ERBB4: variants seen among roughly 807,000 people sequenced by gnomAD.
ERBB4 encodes the protein erb-b2 receptor tyrosine kinase 4, also known as receptor tyrosine-protein kinase erbB-4.
In ERBB4, 42 loss-of-function variants were observed where a neutral mutation model predicts 158.0. That is an observed-to-expected ratio of 0.27 (90% CI 0.21 to 0.34). The LOEUF (loss-of-function observed/expected upper bound fraction) is 0.34. ERBB4 is among the 10% of genes least tolerant of loss of function. The pLI is 1.00. For synonymous variants in ERBB4, 583 were observed against 558.7 expected (o/e 1.04, Z -0.61); for missense variants, 1,333 against 1,624.1 (o/e 0.82, Z 3.08).
At chr2:212,219,281 A>G (rs2083208340) in intron 1 of ERBB4, among the ~76,000 whole-genome samples, 1 of 151,454 alleles carries the variant, frequency 6.6e-6, no homozygotes, top group South Asian at 2.1e-4. Context: ...TACACATATG[A>G]ATTATAAATG....
chr2:211,772,924 C>CACACACACATAT (rs1181682464), intron 4 of ERBB4, among the ~76,000 whole-genome samples: 1 of 36,738 alleles, frequency 2.7e-5, no homozygotes, highest in African/African-American at 1.5e-4. Flanking sequence ...CACACACACA[C>CACACACACATAT]ATATATATAT....
chr2:211,757,631 G>A, intron 4 of ERBB4, among the ~76,000 whole-genome samples: 1 of 152,080 alleles, frequency 6.6e-6, no homozygotes, highest in East Asian at 1.9e-4. Context: ...CTCCCTCAGG[G>A]GCTCAACTCC....
At chr2:212,108,954 G>A (rs1039056710) in intron 2 of ERBB4, among the ~76,000 whole-genome samples, 11 of 152,140 alleles carry the variant, frequency 7.2e-5, no homozygotes, top group East Asian at 3.9e-4. Flanking sequence ...AGATGGCAGC[G>A]CACAGTAGGA....
At chr2:211,704,231 C>G (rs2106046668) in intron 10 of ERBB4, 37 bp from the exon 11 acceptor site, 1 of 1,309,912 alleles carries the variant, frequency 7.6e-7, no homozygotes, top group South Asian at 1.2e-5. Context: ...ATCAGAATAT[C>G]ATTGTCTTAG....
At chr2:211,941,313 T>C (rs1029159952) in intron 3 of ERBB4, among the ~76,000 whole-genome samples, 1 of 151,922 alleles carries the variant, frequency 6.6e-6, no homozygotes, top group Admixed American at 6.6e-5. Context: ...TCTTCTAATG[T>C]AAATGTTTGT....
At chr2:212,055,931 T>C (rs1183265077) in intron 2 of ERBB4, among the ~76,000 whole-genome samples, 1 of 152,186 alleles carries the variant, frequency 6.6e-6, no homozygotes, top group Non-Finnish European at 1.5e-5. Context: ...GGATGGAGAA[T>C]GACTTTGACA....
chr2:212,137,259 G>A (rs2080301607), intron 1 of ERBB4, among the ~76,000 whole-genome samples: 1 of 152,098 alleles, frequency 6.6e-6, no homozygotes, highest in South Asian at 2.1e-4. Flanking sequence ...TTGTTGTACA[G>A]ATTATTTCAT....
At chr2:211,453,245 A>T (rs928746137) in intron 20 of ERBB4, among the ~76,000 whole-genome samples, 4 of 152,240 alleles carry the variant, frequency 2.6e-5, no homozygotes, top group African/African-American at 7.2e-5. Flanking sequence ...TAAGAGTGCA[A>T]TTAAATTCAT....
At chr2:211,562,160 T>TA in intron 19 of ERBB4, 72 bp from the exon 20 acceptor site, 1 of 1,290,532 alleles carries the variant, frequency 7.7e-7, no homozygotes, top group Non-Finnish European at 1.1e-6. Context: ...TGGATTGTAC[T>TA]AATGGTGCTG....
intron 2 of ERBB4, among the ~76,000 whole-genome samples, chr2:212,078,937 A>G (rs978291391): frequency 1.3e-5 from 2 of 151,146 alleles, no homozygotes; most frequent in African/African-American, 4.8e-5. Context: ...CATAATATAC[A>G]TACTTTTTAA....
chr2:212,436,673 T>C (rs1441242869), intron 1 of ERBB4, among the ~76,000 whole-genome samples: 1 of 152,092 alleles, frequency 6.6e-6, no homozygotes, highest in East Asian at 1.9e-4. Context: ...ATGAATTCTA[T>C]ATTTATTCAG....
chr2:211,811,697 G>A (rs1004826471), intron 3 of ERBB4, among the ~76,000 whole-genome samples: 3 of 152,066 alleles, frequency 2.0e-5, no homozygotes, highest in Non-Finnish European at 4.4e-5. Context: ...ATATTTCTCA[G>A]AGGCTTTGTT....
At chr2:211,464,668 T>G (rs543847133) in intron 20 of ERBB4, among the ~76,000 whole-genome samples, 1 of 152,276 alleles carries the variant, frequency 6.6e-6, no homozygotes, top group East Asian at 1.9e-4. Flanking sequence ...TCTCCCACCC[T>G]ATAGAATCTT....
chr2:211,579,790 G>T (rs2068012358), intron 19 of ERBB4, among the ~76,000 whole-genome samples: 1 of 151,804 alleles, frequency 6.6e-6, no homozygotes, highest in African/African-American at 2.4e-5. Context: ...ACACACTGGG[G>T]CCTGTCAGGG....
chr2:212,426,498 C>A, intron 1 of ERBB4: 1 of 313,966 alleles, frequency 3.2e-6, no homozygotes, highest in Non-Finnish European at 5.9e-6. Flanking sequence ...CAGAAAACCT[C>A]AATCTCTTTA....
At chr2:211,682,306 G>A (rs2072380087) in intron 12 of ERBB4, among the ~76,000 whole-genome samples, 4 of 152,064 alleles carry the variant, frequency 2.6e-5, no homozygotes, top group Admixed American at 2.6e-4. Flanking sequence ...AAAGATCAAT[G>A]TTCTAGCTCA....
chr2:212,035,857 A>G (rs1046235341), intron 2 of ERBB4, among the ~76,000 whole-genome samples: 20 of 152,202 alleles, frequency 1.3e-4, no homozygotes, highest in African/African-American at 4.6e-4. Flanking sequence ...CCAAACAGGC[A>G]TATAATAAAA....
intron 2 of ERBB4, among the ~76,000 whole-genome samples, chr2:212,107,343 C>T (rs1398953600): frequency 6.6e-6 from 1 of 152,100 alleles, no homozygotes; most frequent in Non-Finnish European, 1.5e-5. Context: ...GATTTGGTTG[C>T]CCTGCTGGAT....
chr2:212,510,805 A>G (rs1691475054), intron 1 of ERBB4, among the ~76,000 whole-genome samples: 1 of 152,122 alleles, frequency 6.6e-6, no homozygotes, highest in Non-Finnish European at 1.5e-5. Flanking sequence ...TGGAAAAATA[A>G]TCTATGAAAC....
Sources: gnomAD v4.1 joint callset for allele counts (sites outside exome capture counted in the v4.1 genomes callset) on GRCh38, gnomAD v4.1.1 for gene constraint, MANE v1.5 for transcripts, NCBI Gene and HGNC (gene_info 2026-07-23, HGNC 2026-07-21) for gene names.